Variants in NTRK3 observed in about 807,000 individuals in gnomAD.
The protein encoded by NTRK3 is NT-3 growth factor receptor.
In NTRK3, 24 loss-of-function variants were observed where a neutral mutation model predicts 91.7. The observed-to-expected ratio is 0.26, with a 90% confidence interval of 0.19 to 0.37. The LOEUF (loss-of-function observed/expected upper bound fraction) is 0.37, where lower values mean the gene tolerates loss of function less well. NTRK3 is among the 10% of genes least tolerant of loss of function. The pLI is 1.00. For missense variants in NTRK3, 880 were observed against 1,068.9 expected (o/e 0.82, Z 2.46); for synonymous variants, 483 against 404.0 (o/e 1.20, Z -2.34).
chr15:88,055,487 A>C (rs1035579686), intron 13 of NTRK3, among the ~76,000 whole-genome samples: 1 of 152,162 alleles, frequency 6.6e-6, no homozygotes, highest in Non-Finnish European at 1.5e-5. Context: ...ACCCTTGAAA[A>C]CATCATCATC....
chr15:87,985,236 G>A (rs2074651268), intron 14 of NTRK3, among the ~76,000 whole-genome samples: 1 of 152,168 alleles, frequency 6.6e-6, no homozygotes, highest in Admixed American at 6.5e-5. Flanking sequence ...GCATAATGCT[G>A]GAAAAAGCTA....
In NTRK3 at chr15:88,235,178, G is replaced by T. The variant is rs1244601735; in HGVS notation, c.248+20728C>A. On this transcript the variant is annotated intron_variant, in intron 3 of 18. Coordinates refer to ENST00000394480, the Ensembl canonical transcript of NTRK3. This position sits in a 1 kb window ranked among gnomAD's most constrained non-coding sequence, Gnocchi z 5.2. The stretch of plus-strand genomic sequence containing the variant: ...TATGATTGTACTGATTTCTTTGCTT[G>T]CATATCAACGGATGGCCTCTATCCA... 6.6e-6 allele frequency among the ~76,000 whole-genome samples: 1 copy of T among 152,196 alleles called. No individual in the cohort carries two copies. Among genetic ancestry groups the T allele is most frequent in the Non-Finnish European group, 1.5e-5 (1 of 68,040 alleles).
At chr15:87,904,634 G>T (rs1253685855) in intron 17 of NTRK3, among the ~76,000 whole-genome samples, 1 of 152,162 alleles carries the variant, frequency 6.6e-6, no homozygotes, top group Non-Finnish European at 1.5e-5. Flanking sequence ...TGTGTCTAAG[G>T]CATGGGTATT....
At chr15:88,224,873 C>T (rs1320581779) in intron 3 of NTRK3, among the ~76,000 whole-genome samples, 1 of 152,216 alleles carries the variant, frequency 6.6e-6, no homozygotes, top group African/African-American at 2.4e-5. Context: ...AAGGCCCTCA[C>T]TCTTGGCACT....
intron 14 of NTRK3, among the ~76,000 whole-genome samples, chr15:88,010,115 C>T (rs913882467): frequency 1.3e-5 from 2 of 152,220 alleles, no homozygotes; most frequent in Admixed American, 6.5e-5. Flanking sequence ...GACCAGCCCC[C>T]TCTAGATCCC....
At chr15:88,181,655 T>C (rs1198232429) in intron 5 of NTRK3, among the ~76,000 whole-genome samples, 1 of 152,220 alleles carries the variant, frequency 6.6e-6, no homozygotes, top group Non-Finnish European at 1.5e-5. Flanking sequence ...ATTCTGCTCA[T>C]AGAAGTAGTT....
At chr15:87,954,976 G>A (rs1218258341) in intron 14 of NTRK3, among the ~76,000 whole-genome samples, 2 of 152,136 alleles carry the variant, frequency 1.3e-5, no homozygotes, top group Non-Finnish European at 2.9e-5. Flanking sequence ...ATGAGACTGG[G>A]CATTCCCAGC....
chr15:88,089,908 A>AT (rs1479808954), intron 13 of NTRK3, among the ~76,000 whole-genome samples: 20 of 152,140 alleles, frequency 1.3e-4, no homozygotes, highest in Admixed American at 3.3e-4. Context: ...AGAAGACCCT[A>AT]TGTGGCCTGG....
intron 14 of NTRK3, among the ~76,000 whole-genome samples, chr15:87,990,718 C>T (rs2075221620): frequency 6.6e-6 from 1 of 152,100 alleles, no homozygotes; most frequent in African/African-American, 2.4e-5. Flanking sequence ...CATCTTCTGC[C>T]TTTGCTGTTA....
chr15:88,084,181 G>A (rs1404940187), intron 13 of NTRK3, among the ~76,000 whole-genome samples: 1 of 151,702 alleles, frequency 6.6e-6, no homozygotes, highest in African/African-American at 2.4e-5. Flanking sequence ...TGAGCGCTCA[G>A]GGGTTCAAAC....
At chr15:88,123,055 G>A (rs1414829464) in intron 13 of NTRK3, among the ~76,000 whole-genome samples, 2 of 152,122 alleles carry the variant, frequency 1.3e-5, no homozygotes, top group African/African-American at 2.4e-5. Flanking sequence ...ATATTGTGCA[G>A]GACAAAAGAG....
At chr15:87,906,453 A>T (rs1474331609) in intron 17 of NTRK3, among the ~76,000 whole-genome samples, 1 of 152,076 alleles carries the variant, frequency 6.6e-6, no homozygotes, top group East Asian at 1.9e-4. Flanking sequence ...AGCCATGTTC[A>T]CTTTCTGATG....
At chr15:87,961,623 G>C (rs1271739802) in intron 14 of NTRK3, among the ~76,000 whole-genome samples, 1 of 152,234 alleles carries the variant, frequency 6.6e-6, no homozygotes, top group Non-Finnish European at 1.5e-5. Context: ...GTCTGAAGTG[G>C]GCTGCAGTGG....
In NTRK3 at chr15:88,255,294, A is replaced by G. The variant is rs538350581; in HGVS notation, c.248+612T>C. Among the ~76,000 whole-genome samples, 4 of 152,224 alleles carry G rather than the reference A, an allele frequency of 2.6e-5. No individual in the cohort carries two copies. In the South Asian group the frequency reaches 8.3e-4, roughly 32 times the overall value. On this transcript the variant is annotated intron_variant, in intron 3 of 18. Coordinates refer to ENST00000394480, the Ensembl canonical transcript of NTRK3. This position sits in a 1 kb window ranked among gnomAD's most constrained non-coding sequence, Gnocchi z 4.3. ...GGGGCTGGAGAGGGCGGGCTGCAGGAGGGGAAGGGAAGAGGTAGGCGTCCA... is the reference window on the plus strand; with the variant it reads ...GGGGCTGGAGAGGGCGGGCTGCAGGGGGGGAAGGGAAGAGGTAGGCGTCCA...
intron 17 of NTRK3, among the ~76,000 whole-genome samples, chr15:87,916,926 C>A (rs1024430556): frequency 6.6e-6 from 1 of 152,034 alleles, no homozygotes; most frequent in Non-Finnish European, 1.5e-5. Flanking sequence ...CCATGCCCAG[C>A]TAATTTTTCA....
In NTRK3 at chr15:88,088,225, G is replaced by A. The variant is rs1393896659; in HGVS notation, c.1396+38046C>T. 7.2e-5 allele frequency among the ~76,000 whole-genome samples: 11 copies of A among 152,218 alleles called. 1 individual carries two copies. Among genetic ancestry groups the A allele is most frequent in the Admixed American group, 7.2e-4 (11 of 15,280 alleles). On this transcript the variant is annotated intron_variant, in intron 13 of 18. Transcript: ENST00000394480. ...GCAATAAAAGTATCTACCCCAAGGA[G>A]TTGTTGAGAGAAAAGCCAGCAAGAC... is the stretch of plus-strand genomic sequence containing the variant.
At chr15:88,217,588 G>C (rs1188079728) in intron 3 of NTRK3, among the ~76,000 whole-genome samples, 1 of 152,126 alleles carries the variant, frequency 6.6e-6, no homozygotes, top group Non-Finnish European at 1.5e-5. Flanking sequence ...TGCCAGGGGA[G>C]GGGGGAATGG....
intron 13 of NTRK3, among the ~76,000 whole-genome samples, chr15:88,089,192 T>C (rs2150737433): frequency 6.6e-6 from 1 of 152,284 alleles, no homozygotes; most frequent in South Asian, 2.1e-4. Flanking sequence ...CCGACATGCC[T>C]GCATTCAAAT....
At chr15:87,874,365 C>T (rs2064896601) in exon 19 of NTRK3, 2 of 230,316 alleles carry the variant, frequency 8.7e-6, no homozygotes, top group Admixed American at 5.7e-5. Context: ...GCGTGAAAGC[C>T]CGTGGGCCTA....
Sources: allele counts gnomAD v4.1 joint callset (sites outside exome capture counted in the v4.1 genomes callset), GRCh38; gene constraint gnomAD v4.1.1; non-coding constraint Gnocchi (gnomAD v3.1); transcripts MANE v1.5; gene names NCBI Gene and HGNC (gene_info 2026-07-23, HGNC 2026-07-21).